The following AGFG1 variants were observed in gnomAD, a reference collection of about 807,000 sequenced individuals.
The protein encoded by AGFG1 is arf-GAP domain and FG repeat-containing protein 1.
A neutral mutation model predicts 60.6 loss-of-function variants in AGFG1; 10 were observed. The observed-to-expected ratio is 0.16, with a 90% confidence interval of 0.10 to 0.28. AGFG1 has a LOEUF of 0.28. Ranked by LOEUF, AGFG1 falls within the 10% of genes least tolerant of loss-of-function variation. The pLI is 1.00. For synonymous variants in AGFG1, 247 were observed against 242.9 expected (o/e 1.02, Z -0.16); for missense variants, 537 against 676.5 (o/e 0.79, Z 2.29).
chr2:227,532,570 T>G lies in AGFG1; in HGVS notation c.815-979T>G, dbSNP rs573166251. On this transcript the variant is annotated intron_variant, in intron 6 of 12. Coordinates refer to ENST00000310078, the MANE Select transcript of AGFG1 (RefSeq NM_004504.5). ...GAAAGAAATTTGATCAGTGTATATT[T>G]TTTTTAGAATGTATAAAAACCTGCT... Among the ~76,000 whole-genome samples, 3 of 152,318 alleles carry G rather than the reference T, an allele frequency of 2.0e-5. No homozygotes were observed. In the East Asian group the frequency reaches 5.8e-4, roughly 29 times the overall value.
intron 1 of AGFG1, among the ~76,000 whole-genome samples, chr2:227,491,160 T>C (rs1278086127): frequency 6.6e-6 from 1 of 152,208 alleles, no homozygotes; most frequent in Non-Finnish European, 1.5e-5. Context: ...GGTCTTATTA[T>C]ATCATTGTTT....
chr2:227,527,858 CTG>C (rs1235269593), intron 5 of AGFG1, among the ~76,000 whole-genome samples: 3 of 152,126 alleles, frequency 2.0e-5, no homozygotes, highest in East Asian at 1.9e-4. Flanking sequence ...AAATTCAAGA[CTG>C]TATCTTTGTA....
At chr2:227,480,211 C>T (rs1047654170) in intron 1 of AGFG1, among the ~76,000 whole-genome samples, 51 of 152,240 alleles carry the variant, frequency 3.3e-4, no homozygotes, top group African/African-American at 1.2e-3. Flanking sequence ...GAGCTGTACA[C>T]ATGATCACTG....
chr2:227,532,461 C>T (rs1020592867), intron 6 of AGFG1, among the ~76,000 whole-genome samples: 21 of 152,068 alleles, frequency 1.4e-4, no homozygotes, highest in East Asian at 9.6e-4. Context: ...ACTTTGTTTG[C>T]CAGCTCCTTG....
chr2:227,520,126 G>A (rs1350864126), intron 3 of AGFG1, 63 bp downstream of exon 3: 1 of 975,328 alleles, frequency 1.0e-6, no homozygotes, highest in African/African-American at 1.7e-5. Context: ...TATGGGTAAG[G>A]TTAGTCTGAC....
chr2:227,549,498 T>C (rs1311193260), intron 10 of AGFG1, among the ~76,000 whole-genome samples: 7 of 152,238 alleles, frequency 4.6e-5, no homozygotes, highest in Non-Finnish European at 1.0e-4. Context: ...GCCATTGTAT[T>C]TTAACCTGTA....
rs5839223 is a variant in AGFG1, at chr2:227,506,558, T to TAAAAAA, written c.262-13374_262-13369dup. On this transcript the variant is annotated intron_variant, in intron 2 of 12. Coordinates refer to ENST00000310078, the MANE Select transcript of AGFG1 (RefSeq NM_004504.5). ...ATGACTGCTTTCAAGTGATGTTCCT[T>TAAAAAA]AAAAAAAAAAAAAAAAAAAAAGCAC... 2.2e-3 allele frequency among the ~76,000 whole-genome samples: 231 copies of TAAAAAA among 106,274 alleles called. 5 individuals are homozygous for TAAAAAA. The highest frequency in any genetic ancestry group is 7.8e-3 in the African/African-American group (212 of 27,342). The allele number at this position is 106,274 out of a possible 152,430, so 69.7% of individuals were successfully genotyped here.
At chr2:227,534,757 G>A (rs1692259196) in intron 7 of AGFG1, 88 bp from the exon 8 acceptor site, 1 of 1,384,470 alleles carries the variant, frequency 7.2e-7, no homozygotes, top group African/African-American at 1.4e-5. Flanking sequence ...TCCATTTTAA[G>A]TTTACCTGTG....
At chr2:227,519,468 A>T (rs550538056) in intron 2 of AGFG1, among the ~76,000 whole-genome samples, 1 of 152,304 alleles carries the variant, frequency 6.6e-6, no homozygotes, top group South Asian at 2.1e-4. Flanking sequence ...CCAAAAATGC[A>T]TAGGAGACAG....
chr2:227,532,224 C>T, intron 6 of AGFG1: 1 of 1,534,124 alleles, frequency 6.5e-7, no homozygotes. Flanking sequence ...GTTCTGTTGT[C>T]AAGTAGGCAT....
At chr2:227,476,488 A>G (rs1397446530) in intron 1 of AGFG1, among the ~76,000 whole-genome samples, 3 of 152,230 alleles carry the variant, frequency 2.0e-5, no homozygotes, top group Admixed American at 2.0e-4. Context: ...TAGATAAAAT[A>G]AAAAATAACA....
chr2:227,495,245 C>G (rs578000328), intron 2 of AGFG1, among the ~76,000 whole-genome samples: 189 of 152,054 alleles, frequency 1.2e-3, no homozygotes, highest in African/African-American at 4.4e-3. Context: ...CATACAGTTA[C>G]TTTAAAAAAA....
At chr2:227,492,422 A>G (rs1690847819) in intron 2 of AGFG1, among the ~76,000 whole-genome samples, 1 of 152,076 alleles carries the variant, frequency 6.6e-6, no homozygotes, top group Non-Finnish European at 1.5e-5. Context: ...GATAAGTAGT[A>G]CTTTAGTGGT....
At position 227,524,854 on chromosome 2, in the gene AGFG1, A is replaced by G. The variant is rs780196903; in HGVS notation, c.633A>G (p.Pro211=). 1 of 1,614,176 alleles carries G rather than the reference A, an allele frequency of 6.2e-7. No individual in the cohort carries two copies. Among genetic ancestry groups the G allele is most frequent in the Non-Finnish European group, 8.5e-7 (1 of 1,179,994 alleles). ...SDLGSDIFAA[P]APQSTATANF... is the part of the protein sequence containing the mutation. ...TCGGCTCAGACATCTTTGCTGCTCC[A>G]GCTCCTCAGTCAACAGCTACAGCCA... Residue 211 remains proline (P), a synonymous_variant, in exon 5 of 13, where the codon CCA becomes CCG. Transcript: ENST00000310078.
chr2:227,521,071 CT>C (rs11295504), intron 3 of AGFG1, among the ~76,000 whole-genome samples: 112,883 of 150,220 alleles, frequency 0.75, 42,402 homozygotes, highest in South Asian at 0.84. Flanking sequence ...CTACATTTTT[CT>C]TTTTTTTTTG....
At chr2:227,535,613 G>A (rs1335543298) in intron 8 of AGFG1, among the ~76,000 whole-genome samples, 2 of 152,090 alleles carry the variant, frequency 1.3e-5, no homozygotes, top group Non-Finnish European at 2.9e-5. Flanking sequence ...TTTTAGAGTT[G>A]CGGAAATAGT....
chr2:227,545,762 A>G (rs1451427307), intron 10 of AGFG1, among the ~76,000 whole-genome samples: 1 of 152,202 alleles, frequency 6.6e-6, no homozygotes, highest in Non-Finnish European at 1.5e-5. Context: ...GGTCCACTCC[A>G]GACCCTGTTT....
intron 2 of AGFG1, among the ~76,000 whole-genome samples, chr2:227,519,222 A>G (rs1438626882): frequency 2.0e-5 from 3 of 152,228 alleles, no homozygotes; most frequent in Non-Finnish European, 2.9e-5. Flanking sequence ...ATTGAGTTGT[A>G]GGAATTCTTT....
chr2:227,489,847 G>T (rs1208362824), intron 1 of AGFG1, among the ~76,000 whole-genome samples: 2 of 148,978 alleles, frequency 1.3e-5, no homozygotes, highest in Admixed American at 6.7e-5. Context: ...ACAGAATCTT[G>T]CTCTGTTTTC....
Sources: allele counts gnomAD v4.1 joint callset (sites outside exome capture counted in the v4.1 genomes callset), GRCh38; gene constraint gnomAD v4.1.1; transcripts MANE v1.5; gene names NCBI Gene and HGNC (gene_info 2026-07-23, HGNC 2026-07-21).